Variants in KCNJ15 observed in about 807,000 individuals in gnomAD.
KCNJ15 encodes the protein potassium inwardly rectifying channel subfamily J member 15.
Under a neutral mutation model 23.0 loss-of-function variants are expected in KCNJ15, and 14 were observed. The ratio of observed to expected loss-of-function variants is 0.61; its 90% CI spans 0.40 to 0.95. KCNJ15 has a LOEUF of 0.95. KCNJ15 is among the 40% of genes least tolerant of loss of function. The probability of loss-of-function intolerance (pLI) is 0.00; values close to 1 mark genes in which losing one functional copy is unlikely to be tolerated. For synonymous variants in KCNJ15, 185 were observed against 183.2 expected (o/e 1.01, Z -0.08); for missense variants, 388 against 461.8 (o/e 0.84, Z 1.46).
intron 1 of KCNJ15, among the ~76,000 whole-genome samples, chr21:38,274,994 T>C (rs1982514178): frequency 6.6e-6 from 1 of 152,180 alleles, no homozygotes; most frequent in Non-Finnish European, 1.5e-5. Context: ...TTCCTAGATA[T>C]GGACATGCTT....
upstream of KCNJ15, among the ~76,000 whole-genome samples, chr21:38,253,870 G>A (rs1439627562): frequency 6.6e-6 from 1 of 152,158 alleles, no homozygotes; most frequent in African/African-American, 2.4e-5. Context: ...TAACTGTGGA[G>A]GTGGGGGTTG....
intron 1 of KCNJ15, among the ~76,000 whole-genome samples, chr21:38,263,467 C>T (rs932833948): frequency 2.6e-5 from 4 of 152,202 alleles, no homozygotes; most frequent in Non-Finnish European, 4.4e-5. Context: ...TTAGGCCCCT[C>T]TTGAATCTTC....
intron 1 of KCNJ15, among the ~76,000 whole-genome samples, chr21:38,262,053 T>C (rs914317954): frequency 1.2e-4 from 18 of 152,256 alleles, no homozygotes; most frequent in African/African-American, 4.1e-4. Context: ...ATTTGCAGAT[T>C]GATATCTTGC....
At chr21:38,242,339 G>T (rs1183085185) in intron 1 of KCNJ15, among the ~76,000 whole-genome samples, 1 of 152,128 alleles carries the variant, frequency 6.6e-6, no homozygotes, top group Non-Finnish European at 1.5e-5. Context: ...CTCTGATGCA[G>T]GTTCTGCCCC....
At position 38,301,027 on chromosome 21, in the gene KCNJ15, G is replaced by T. The variant is rs943822800; in HGVS notation, c.*638G>T. The T allele has an allele frequency of 1.2e-5, 2 of 166,898 alleles. No homozygotes were observed. Among genetic ancestry groups the T allele is most frequent in the Non-Finnish European group, 2.9e-5 (2 of 68,110 alleles). The allele number at this position is 166,898 out of a possible 1,614,324, so 10.3% of individuals were successfully genotyped here. ...AACTGTGGAAACCTACACAAATGGG[G>T]CTGATGCCATTGTTTCCTCTATTTT... On this transcript the variant is annotated 3_prime_UTR_variant, in exon 3 of 3. Transcript: ENST00000398938.
chr21:38,271,969 C>A (rs1342113772), intron 1 of KCNJ15, among the ~76,000 whole-genome samples: 1 of 152,138 alleles, frequency 6.6e-6, no homozygotes, highest in Admixed American at 6.5e-5. Context: ...CGATCCGGTG[C>A]CACAATTGAG....
rs752973013 is a variant in KCNJ15 at position 38,306,461 on chromosome 21, T to C, written c.*6072T>C. The C allele has an allele frequency of 6.6e-6, 1 of 152,130 alleles. No homozygotes were observed. The highest frequency in any genetic ancestry group is 2.4e-5 in the African/African-American group (1 of 41,434). The allele number at this position is 152,130 out of a possible 1,614,324, so 9.4% of individuals were successfully genotyped here. A position where few individuals can be genotyped will look rare whatever the true frequency, so the allele number is the denominator to read the frequency against. ...CTTTATGCAAATTTACTTAATATTA[T>C]AGAAGAGTAAAGAGCTTCCAAGAAG... On this transcript the variant is annotated 3_prime_UTR_variant, in exon 3 of 3. Transcript: ENST00000398938.
chr21:38,293,605 G>A (rs1812285842), intron 1 of KCNJ15, among the ~76,000 whole-genome samples: 1 of 152,222 alleles, frequency 6.6e-6, no homozygotes, highest in Non-Finnish European at 1.5e-5. Flanking sequence ...CAAGTGTGCT[G>A]TAATCTCAAC....
At chr21:38,253,272 TCC>T (rs1226339382), upstream of KCNJ15, among the ~76,000 whole-genome samples, 1 of 152,166 alleles carries the variant, frequency 6.6e-6, no homozygotes, top group Non-Finnish European at 1.5e-5. Flanking sequence ...ATAATCTACC[TCC>T]AGACAAGATT....
At chr21:38,255,287 C>T (rs57212550), upstream of KCNJ15, among the ~76,000 whole-genome samples, 15,702 of 152,258 alleles carry the variant, frequency 0.1, 2,102 homozygotes, top group African/African-American at 0.31. Context: ...CCCTGCAAAT[C>T]ATCCCACCTG....
intron 1 of KCNJ15, among the ~76,000 whole-genome samples, chr21:38,266,749 C>T (rs1379662846): frequency 6.6e-6 from 1 of 152,150 alleles, no homozygotes; most frequent in Non-Finnish European, 1.5e-5. Flanking sequence ...TTAATCCTCA[C>T]ACAGGCAGGC....
chr21:38,256,230 A>G (rs921636371), upstream of KCNJ15, among the ~76,000 whole-genome samples: 8 of 152,030 alleles, frequency 5.3e-5, no homozygotes, highest in East Asian at 1.9e-4. Flanking sequence ...TTCTTCAAGG[A>G]TGGAATTCTG....
intron 1 of KCNJ15, among the ~76,000 whole-genome samples, chr21:38,288,699 TGAGA>T (rs1326722465): frequency 1.3e-5 from 2 of 152,116 alleles, no homozygotes; most frequent in African/African-American, 4.8e-5. Context: ...AACATCTTAG[TGAGA>T]GAGATAGATT....
At chr21:38,238,512 A>G in intron 1 of KCNJ15, 1 of 643,686 alleles carries the variant, frequency 1.6e-6, no homozygotes. Context: ...CTGAGAGGGC[A>G]CGGACCATCT....
chr21:38,238,835 A>G (rs1978800590), intron 1 of KCNJ15, among the ~76,000 whole-genome samples: 1 of 152,222 alleles, frequency 6.6e-6, no homozygotes, highest in African/African-American at 2.4e-5. Flanking sequence ...AAACAAAAGT[A>G]TAGTAAAAAA....
chr21:38,274,018 G>GT (rs1423581967), intron 1 of KCNJ15, among the ~76,000 whole-genome samples: 1 of 152,180 alleles, frequency 6.6e-6, no homozygotes, highest in African/African-American at 2.4e-5. Context: ...ACATTCTGTG[G>GT]TTTTCAAATG....
intron 1 of KCNJ15, among the ~76,000 whole-genome samples, chr21:38,275,622 C>T (rs903469865): frequency 5.9e-5 from 9 of 151,474 alleles, no homozygotes; most frequent in Non-Finnish European, 1.3e-4. Context: ...CTCTTACTCA[C>T]ATCCCTGTGC....
intron 1 of KCNJ15, among the ~76,000 whole-genome samples, chr21:38,264,653 A>G (rs2836259): frequency 0.14 from 21,167 of 152,270 alleles, 1,648 homozygotes; most frequent in East Asian, 0.31. Flanking sequence ...CACAGCAGAG[A>G]CCTTTTTATC....
intron 1 of KCNJ15, among the ~76,000 whole-genome samples, chr21:38,273,798 T>G (rs1481879653): frequency 6.6e-6 from 1 of 152,266 alleles, no homozygotes; most frequent in African/African-American, 2.4e-5. Flanking sequence ...TGCTCTAGCA[T>G]TCACCATTGA....
Sources: allele counts gnomAD v4.1 joint callset (sites outside exome capture counted in the v4.1 genomes callset), GRCh38; gene constraint gnomAD v4.1.1; transcripts MANE v1.5; gene names NCBI Gene and HGNC (gene_info 2026-07-23, HGNC 2026-07-21).